The following PLXNB3 variants were observed in gnomAD, a reference collection of about 807,000 sequenced individuals.
The protein encoded by PLXNB3 is plexin B3, also known as plexin-B3.
In PLXNB3, 80 loss-of-function variants were observed where a neutral mutation model predicts 125.7. That is an observed-to-expected ratio of 0.64 (90% CI 0.53 to 0.77). The LOEUF (loss-of-function observed/expected upper bound fraction) is 0.77, where lower values mean the gene tolerates loss of function less well. Ranked by LOEUF, PLXNB3 falls within the 30% of genes least tolerant of loss-of-function variation. The pLI is 0.00. For missense variants in PLXNB3, 1,836 were observed against 1,729.3 expected (o/e 1.06, Z -1.09); for synonymous variants, 954 against 783.3 (o/e 1.22, Z -3.64).
intron 17 of PLXNB3, 30 bp downstream of exon 17, chrX:153,773,046 G>T: frequency 8.7e-7 from 1 of 1,149,149 alleles, no homozygotes. Context: ...CCGTCGGGTG[G>T]TGGGCACTCC....
In PLXNB3 at chrX:153,774,548, G is replaced by T. The variant is rs945520623; in HGVS notation, c.3807G>T (p.Val1269=). The T allele has an allele frequency of 8.3e-7, 1 of 1,206,118 alleles. No individual in the cohort carries two copies. Among genetic ancestry groups the T allele is most frequent in the Admixed American group, 2.2e-5 (1 of 45,736 alleles). The change falls in exon 22 of 36, where the codon GTG becomes GTT. Residue 1269 remains valine, a synonymous_variant. Transcript: ENST00000361971. Reference sequence around the variant, plus strand: ...GTGCTGCAGTGCTGATTGCCGCCGTGCTCCTCCTCACCCTCATGTACAGGT... The same window carrying T: ...GTGCTGCAGTGCTGATTGCCGCCGTTCTCCTCCTCACCCTCATGTACAGGT... The part of the protein sequence containing the change: ...GMGAAVLIAA[V]LLLTLMYRHK...
In PLXNB3 at chrX:153,776,029, C is replaced by A; in HGVS notation, c.4544C>A (p.Pro1515His). 1 of 1,204,500 alleles carries A rather than the reference C, an allele frequency of 8.3e-7. No individual in the cohort carries two copies. The highest frequency in any genetic ancestry group is 1.7e-5 in the African/African-American group (1 of 57,862). Residue 1515 changes from proline (P) to histidine (H), a missense_variant, in exon 27 of 36, where the codon CCC (proline) becomes CAC (histidine). Transcript: ENST00000361971. Reference sequence around the variant, plus strand: ...CTGCGGGAGGACGTGGAGTTCCAGCCCCTGACGCTGATGGTGCTGGTGGGG... The same window carrying A: ...CTGCGGGAGGACGTGGAGTTCCAGCACCTGACGCTGATGGTGCTGGTGGGG... The part of the protein sequence containing the change: ...RLLREDVEFQ[P>H]LTLMVLVGPG...
intron 1 of PLXNB3, among the ~76,000 whole-genome samples, chrX:153,764,927 A>G (rs1278774525): frequency 1.8e-5 from 2 of 112,885 alleles, no homozygotes; most frequent in Admixed American, 1.9e-4. Flanking sequence ...ACCTGGCACC[A>G]CTTCACCAGT....
At chrX:153,766,769 C>T in intron 2 of PLXNB3, 104 bp from the exon 3 acceptor site, 1 of 1,091,929 alleles carries the variant, frequency 9.2e-7, no homozygotes. Context: ...CTCCCTCCCT[C>T]CCTGGCCCTG....
Position 153,774,582 on chromosome X carries a change from C to T in PLXNB3, c.3830+11C>T. 3 of 1,186,582 alleles carry T rather than the reference C, an allele frequency of 2.5e-6. No homozygotes were observed. The highest frequency in any genetic ancestry group is 3.4e-6 in the Non-Finnish European group (3 of 880,949). On this transcript the variant is annotated intron_variant, in intron 22 of 35. Coordinates refer to ENST00000361971, the MANE Select transcript of PLXNB3 (RefSeq NM_005393.3). ...CACCCTCATGTACAGGTGAGACCCG[C>T]CCACCCCCAGCACACTTCCCTCCTC...
At chrX:153,769,724 GGCCGGCCTCCCCAGGCCCCTGTT>G (rs2091903900) in intron 6 of PLXNB3, 60 bp from the exon 7 acceptor site, 1 of 1,027,180 alleles carries the variant, frequency 9.7e-7, no homozygotes, top group South Asian at 2.2e-5. Flanking sequence ...ACTCCAGCTG[GGCCGGCCTCCCCAGGCCCCTGTT>G]GCCGGTCATC....
At chrX:153,777,818 C>T (rs1264839716) in intron 31 of PLXNB3, 130 bp downstream of exon 31, 2 of 1,045,412 alleles carry the variant, frequency 1.9e-6, no homozygotes, top group African/African-American at 3.7e-5. Context: ...GGGCCCAGGT[C>T]ACCTAGGCCA....
intron 17 of PLXNB3, 85 bp from the exon 18 acceptor site, chrX:153,773,145 A>T: frequency 9.2e-7 from 1 of 1,091,167 alleles, no homozygotes; most frequent in South Asian, 2.2e-5. Flanking sequence ...CAGGCAAAGC[A>T]GGGCTTCTCC....
intron 2 of PLXNB3, chrX:153,766,613 G>T (rs1603241047): frequency 7.5e-6 from 8 of 1,059,605 alleles, no homozygotes; most frequent in Non-Finnish European, 9.7e-6. Flanking sequence ...CTGTCCTTGT[G>T]TGCTTGTGCG....
rs1253237625 is a variant in PLXNB3, at chrX:153,773,865, A to T, written c.3286A>T (p.Thr1096Ser). Residue 1096 changes from threonine (T) to serine (S), a missense_variant, in exon 20 of 36, where the codon ACC becomes TCC. Physicochemically the swap from Thr to Ser is moderately conservative, Grantham distance 58 (BLOSUM62 1). Transcript: ENST00000361971. ...GGCCCTGAATGCCCCACAGTGCTCC[A>T]CCGTCTGCTCCGTCAACTCGTCCAG... ...QLGGGLLQCS[T>S]VCSVNSSSLL... The T allele has an allele frequency of 3.3e-6, 4 of 1,210,809 alleles. No homozygotes were observed. The highest frequency in any genetic ancestry group is 1.7e-5 in the African/African-American group (1 of 57,882).
Position 153,767,453 on chromosome X carries a change from C to T in PLXNB3, c.626C>T (p.Ala209Val). The change falls in exon 3 of 36, where the codon GCC (alanine) becomes GTC (valine). Residue 209 changes from alanine (A) to valine (V), a missense_variant. By Grantham distance (64) the Ala-to-Val change is moderately conservative (BLOSUM62 0). Coordinates refer to ENST00000361971, the MANE Select transcript of PLXNB3 (RefSeq NM_005393.3). ...CCACCCCTGGCCATCCGCCAGCTGGCCGGGTCTCAGCCCTTCTCCAGCGAG... is the reference window on the plus strand; with the variant it reads ...CCACCCCTGGCCATCCGCCAGCTGGTCGGGTCTCAGCCCTTCTCCAGCGAG... ...GVPPLAIRQL[A>V]GSQPFSSEGL... 2 of 1,193,365 alleles carry T rather than the reference C, an allele frequency of 1.7e-6. No homozygotes were observed. The highest frequency in any genetic ancestry group is 1.8e-5 in the South Asian group (1 of 54,374).
chrX:153,777,368 G>A lies in PLXNB3; in HGVS notation c.5088G>A (p.Leu1696=), dbSNP rs1557064813. ...KAIPEIYLTR[L]LSMKGTLQKF... is the part of the protein sequence containing the mutation. ...TTCCGGAAATCTACCTCACCCGTCT[G>A]CTGTCCATGAAGGTTGGTGCGGCCT... is the stretch of plus-strand genomic sequence containing the variant. The change falls in exon 30 of 36, where the codon CTG becomes CTA. Residue 1696 remains leucine, a synonymous_variant. Coordinates refer to ENST00000361971, the MANE Select transcript of PLXNB3 (RefSeq NM_005393.3). 8.3e-7 allele frequency: 1 copy of A among 1,199,213 alleles called. No homozygotes were observed. Among genetic ancestry groups the A allele is most frequent in the Non-Finnish European group, 1.1e-6 (1 of 887,085 alleles).
intron 16 of PLXNB3, 83 bp downstream of exon 16, chrX:153,772,370 A>G (rs1231598715): frequency 8.3e-6 from 6 of 719,837 alleles, no homozygotes; most frequent in Non-Finnish European, 1.3e-5. Flanking sequence ...AAGGATGTCA[A>G]GCTGGGTCTG....
At chrX:153,765,922 G>A (rs889879494) in intron 2 of PLXNB3, 13 of 752,857 alleles carry the variant, frequency 1.7e-5, no homozygotes, top group Middle Eastern at 1.5e-3. Flanking sequence ...GGCTCACCCC[G>A]GGGTCCCACC....
intron 17 of PLXNB3, 22 bp downstream of exon 17, chrX:153,773,038 G>T: frequency 1.7e-6 from 2 of 1,152,343 alleles, no homozygotes; most frequent in South Asian, 2.1e-5. Context: ...CCTGGCTGCC[G>T]TCGGGTGGTG....
At chrX:153,772,465 C>G (rs1218578619) in intron 16 of PLXNB3, among the ~76,000 whole-genome samples, 178 bp downstream of exon 16, 1 of 112,072 alleles carries the variant, frequency 8.9e-6, no homozygotes, top group Non-Finnish European at 1.9e-5. Context: ...GTCTGAGGCA[C>G]GAAGCTCTCA....
rs782503637 is a variant in PLXNB3 at position 153,767,714 on chromosome X, C to T, written c.887C>T (p.Pro296Leu). Residue 296 changes from proline (P) to leucine (L), a missense_variant, in exon 3 of 36, where the codon CCG becomes CTG. By Grantham distance (98) the Pro-to-Leu change is moderately conservative. Transcript: ENST00000361971. ...QGLIQAAFLAPGTLLGVFAAG... is the reference protein window; with the variant it reads ...QGLIQAAFLALGTLLGVFAAG... ...CTCATCCAGGCCGCCTTCCTTGCCC[C>T]GGGCACCTTGCTAGGGGTGTTTGCC... The T allele has an allele frequency of 1.4e-5, 17 of 1,178,511 alleles. No homozygotes were observed. Among genetic ancestry groups the T allele is most frequent in the East Asian group, 6.3e-5 (2 of 31,551 alleles).
In PLXNB3 at chrX:153,770,642, G is replaced by A; in HGVS notation, c.2010G>A (p.Glu670=). ...AGAGGACCATCTACAGCGCCCAGGA[G>A]GTGGGTGGGCCCGAACTTCGGGCAG... is the stretch of plus-strand genomic sequence containing the variant. ...EGERTIYSAQ[E]VDIQVRGPGA... is the part of the protein sequence containing the mutation. The change falls in exon 10 of 36, where the codon GAG becomes GAA. Residue 670 remains glutamate (E), a splice_region_variant and synonymous_variant. Transcript: ENST00000361971. 8.3e-7 allele frequency: 1 copy of A among 1,209,603 alleles called. No homozygotes were observed. Among genetic ancestry groups the A allele is most frequent in the East Asian group, 3.0e-5 (1 of 33,832 alleles).
rs2091980724 is a variant in PLXNB3, at chrX:153,775,889, G to A, written c.4404G>A (p.Glu1468=). Residue 1468 remains glutamate (E), a splice_region_variant and synonymous_variant, in exon 27 of 36, where the codon GAG becomes GAA. Coordinates refer to ENST00000361971, the MANE Select transcript of PLXNB3 (RefSeq NM_005393.3). ...LSICLYAFLR[E]VAGEPLYMLF... is the part of the protein sequence containing the mutation. ...GCCGGCTCATCTTGGCAGTGCAGGA[G>A]GTGGCTGGTGAACCACTGTACATGC... 8.3e-7 allele frequency: 1 copy of A among 1,203,545 alleles called. No homozygotes were observed. The highest frequency in any genetic ancestry group is 1.1e-6 in the Non-Finnish European group (1 of 890,614).
Sources: allele counts gnomAD v4.1 joint callset (sites outside exome capture counted in the v4.1 genomes callset), GRCh38; gene constraint gnomAD v4.1.1; transcripts MANE v1.5; gene names NCBI Gene and HGNC (gene_info 2026-07-23, HGNC 2026-07-21).